DLG2: variants seen among roughly 807,000 people sequenced by gnomAD.
DLG2 encodes the protein discs large MAGUK scaffold protein 2, also known as disks large homolog 2.
Under a neutral mutation model 132.5 loss-of-function variants are expected in DLG2, and 45 were observed. The observed-to-expected ratio is 0.34, with a 90% CI of 0.27 to 0.44. DLG2 has a LOEUF of 0.44. DLG2 is among the 20% of genes least tolerant of loss of function. The probability of loss-of-function intolerance (pLI) is 1.00; values close to 1 mark genes in which losing one functional copy is unlikely to be tolerated. For synonymous variants in DLG2, 424 were observed against 419.6 expected (o/e 1.01, Z -0.13); for missense variants, 1,045 against 1,196.9 (o/e 0.87, Z 1.87).
intron 6 of DLG2, among the ~76,000 whole-genome samples, chr11:84,628,740 G>A (rs1304459888): frequency 6.6e-6 from 1 of 152,176 alleles, no homozygotes; most frequent in Non-Finnish European, 1.5e-5. Flanking sequence ...GTGGGTTGGA[G>A]ACAAAGATGT....
At chr11:84,103,449 G>A (rs999888424) in intron 9 of DLG2, among the ~76,000 whole-genome samples, 3 of 152,012 alleles carry the variant, frequency 2.0e-5, no homozygotes, top group African/African-American at 7.2e-5. Flanking sequence ...CTAATTAACC[G>A]AGTGTTGATC....
intron 6 of DLG2, among the ~76,000 whole-genome samples, chr11:85,103,690 CA>C (rs1173488252): frequency 6.6e-6 from 1 of 151,704 alleles, no homozygotes; most frequent in African/African-American, 2.4e-5. Context: ...GATATAACAT[CA>C]AAAATACAGG....
At chr11:84,506,326 C>T (rs925731778) in intron 7 of DLG2, among the ~76,000 whole-genome samples, 23 of 152,126 alleles carry the variant, frequency 1.5e-4, no homozygotes, top group Admixed American at 1.0e-3. Context: ...CCGCCCGCCT[C>T]GGCCTCCCAA....
intron 6 of DLG2, among the ~76,000 whole-genome samples, chr11:84,909,550 G>A (rs1270350989): frequency 6.6e-6 from 1 of 152,142 alleles, no homozygotes; most frequent in Admixed American, 6.5e-5. Flanking sequence ...CATGCAAAAA[G>A]CAATCATTGA....
chr11:83,474,202 T>A (rs2092390756), intron 22 of DLG2, among the ~76,000 whole-genome samples: 1 of 151,920 alleles, frequency 6.6e-6, no homozygotes, highest in African/African-American at 2.4e-5. Flanking sequence ...CAGTGAGGAG[T>A]CAGATTCACT....
At chr11:84,644,750 T>C (rs2154545680) in intron 6 of DLG2, among the ~76,000 whole-genome samples, 1 of 151,916 alleles carries the variant, frequency 6.6e-6, no homozygotes, top group South Asian at 2.1e-4. Flanking sequence ...AGTAATTTTT[T>C]AAGCAGACCA....
At position 84,827,832 on chromosome 11, in the gene DLG2, T is replaced by C. The variant is rs924070780; in HGVS notation, c.357+283829A>G. ...GATGAAACTGGAGATCATTATATTA[T>C]ATGAAACAAGTCAGGCCCAGAAAGA... On this transcript the variant is annotated intron_variant, in intron 6 of 27. Coordinates refer to ENST00000376104, the MANE Select transcript of DLG2 (RefSeq NM_001142699.3). 2.0e-5 allele frequency among the ~76,000 whole-genome samples: 3 copies of C among 151,850 alleles called. No individual in the cohort carries two copies. The South Asian group carries it at 6.2e-4, about 31-fold the overall frequency.
At chr11:84,974,028 T>G (rs1383091684) in intron 6 of DLG2, among the ~76,000 whole-genome samples, 3 of 152,166 alleles carry the variant, frequency 2.0e-5, no homozygotes, top group Non-Finnish European at 4.4e-5. Context: ...ATAGTCCCAT[T>G]TATCATCTGC....
At chr11:84,556,861 C>T (rs1173279454) in intron 6 of DLG2, among the ~76,000 whole-genome samples, 1 of 152,022 alleles carries the variant, frequency 6.6e-6, no homozygotes, top group East Asian at 1.9e-4. Flanking sequence ...GGATAATGGC[C>T]CTACATAACA....
At chr11:85,055,971 C>A (rs1441262704) in intron 6 of DLG2, among the ~76,000 whole-genome samples, 1 of 152,100 alleles carries the variant, frequency 6.6e-6, no homozygotes, top group Admixed American at 6.6e-5. Flanking sequence ...AGTGATATCC[C>A]TGTACTCTAG....
intron 7 of DLG2, among the ~76,000 whole-genome samples, chr11:84,298,577 C>A (rs759278221): frequency 6.6e-6 from 1 of 152,184 alleles, no homozygotes; most frequent in African/African-American, 2.4e-5. Flanking sequence ...ATAAGGTATA[C>A]TTTGTTTTCT....
At chr11:83,473,866 G>A (rs751894026) in intron 22 of DLG2, among the ~76,000 whole-genome samples, 2 of 152,052 alleles carry the variant, frequency 1.3e-5, no homozygotes, top group Non-Finnish European at 2.9e-5. Flanking sequence ...TAATATGATC[G>A]ACTGTTTTGA....
At chr11:83,460,269 A>G (rs1024221957) in intron 27 of DLG2, among the ~76,000 whole-genome samples, 1 of 152,178 alleles carries the variant, frequency 6.6e-6, no homozygotes, top group Non-Finnish European at 1.5e-5. Context: ...GCAATGATCA[A>G]TTTTCAGACT....
intron 6 of DLG2, among the ~76,000 whole-genome samples, chr11:84,752,674 C>T (rs1479336890): frequency 1.5e-4 from 21 of 143,932 alleles, no homozygotes; most frequent in Admixed American, 7.7e-4. Context: ...CCCACTAACG[C>T]GTCATCTAGC....
In DLG2 at chr11:83,790,221, A is replaced by C. The variant is rs1594422513; in HGVS notation, c.1723-3429T>G. ...GAATGCTCAATTAGATCAACTATGG[A>C]TGTATGCCCTTCCACATTTGGCTGT... is the stretch of plus-strand genomic sequence containing the variant. On this transcript the variant is annotated intron_variant, in intron 17 of 27. Coordinates refer to ENST00000376104, the MANE Select transcript of DLG2 (RefSeq NM_001142699.3). The C allele has an allele frequency of 2.3e-5, 21 of 906,910 alleles. 1 individual carries two copies. The Middle Eastern group carries it at 3.1e-3, about 134-fold the overall frequency. The allele number at this position is 906,910 out of a possible 1,614,324, so 56.2% of individuals were successfully genotyped here. A position where few individuals can be genotyped will look rare whatever the true frequency, so the allele number is the denominator to read the frequency against.
chr11:84,314,278 T>A (rs1380990964), intron 7 of DLG2, among the ~76,000 whole-genome samples: 5 of 152,230 alleles, frequency 3.3e-5, no homozygotes, highest in Non-Finnish European at 1.5e-5. Flanking sequence ...AGGATTCTAA[T>A]GTTTAGTATC....
At chr11:84,588,376 G>GCAA (rs915813769) in intron 6 of DLG2, among the ~76,000 whole-genome samples, 85 of 152,144 alleles carry the variant, frequency 5.6e-4, no homozygotes, top group African/African-American at 2.0e-3. Flanking sequence ...TCATTCTTTT[G>GCAA]TATTCTTAGT....
chr11:84,327,425 G>C (rs1287133610), intron 7 of DLG2, among the ~76,000 whole-genome samples: 1 of 152,030 alleles, frequency 6.6e-6, no homozygotes, highest in African/African-American at 2.4e-5. Context: ...TCTATCTTTT[G>C]ATTGCAAAGT....
intron 9 of DLG2, among the ~76,000 whole-genome samples, chr11:84,126,073 T>G (rs1471429575): frequency 6.6e-6 from 1 of 152,160 alleles, no homozygotes; most frequent in Non-Finnish European, 1.5e-5. Flanking sequence ...TCCCGTTTGA[T>G]TAAACAACAT....
Sources: gnomAD v4.1 joint callset for allele counts (sites outside exome capture counted in the v4.1 genomes callset) on GRCh38, gnomAD v4.1.1 for gene constraint, MANE v1.5 for transcripts, NCBI Gene and HGNC (gene_info 2026-07-23, HGNC 2026-07-21) for gene names.